Variants in EPS8 observed in about 807,000 individuals in gnomAD.
EPS8 encodes the protein EGFR pathway substrate 8, signaling adaptor, also known as epidermal growth factor receptor kinase substrate 8.
EPS8 carries 42 observed loss-of-function variants against 103.8 expected under a neutral mutation model. The ratio of observed to expected loss-of-function variants is 0.40; its 90% CI spans 0.32 to 0.52. EPS8 has a LOEUF of 0.52. Ranked by LOEUF, EPS8 falls within the 20% of genes least tolerant of loss-of-function variation. The pLI is 0.40. For synonymous variants in EPS8, 344 were observed against 344.6 expected (o/e 1.00, Z 0.02); for missense variants, 969 against 1,005.1 (o/e 0.96, Z 0.49).
At chr12:15,753,828 C>CA (rs1173900801) in intron 1 of EPS8, among the ~76,000 whole-genome samples, 1 of 152,152 alleles carries the variant, frequency 6.6e-6, no homozygotes, top group Admixed American at 6.5e-5. Context: ...TACTTTCATA[C>CA]TACCAATAAA....
rs963151499 is a variant in EPS8 at position 15,749,365 on chromosome 12, A to G, written c.-22+39796T>C. Among the ~76,000 whole-genome samples the G allele has an allele frequency of 1.3e-5, 2 of 152,194 alleles. No homozygotes were observed. Among genetic ancestry groups the G allele is most frequent in the Non-Finnish European group, 2.9e-5 (2 of 68,030 alleles). ...TGCTTGTCTATCACTTACCCTGCAC[A>G]GTATACTCAAGAGCAGGAATGTCTT... On this transcript the variant is annotated intron_variant, in intron 1 of 20. Transcript: ENST00000281172. This position sits in a 1 kb window ranked among gnomAD's most constrained non-coding sequence, Gnocchi z 4.0.
In EPS8 at chr12:15,761,902, G is replaced by T. The variant is rs1182393730; in HGVS notation, c.-22+27259C>A. On this transcript the variant is annotated intron_variant, in intron 1 of 20. Coordinates refer to ENST00000281172, the MANE Select transcript of EPS8 (RefSeq NM_004447.6). This position sits in a 1 kb window ranked among gnomAD's most constrained non-coding sequence, Gnocchi z 4.5. ...GAAAATTTCTTGAGTAATACCTCAC[G>T]AGAACAGGCAACCAAAACGAAAAGG... Among the ~76,000 whole-genome samples the T allele has an allele frequency of 6.6e-6, 1 of 151,988 alleles. No homozygotes were observed. The highest frequency in any genetic ancestry group is 1.5e-5 in the Non-Finnish European group (1 of 67,934).
chr12:15,742,203 A>G (rs993638151), intron 1 of EPS8, among the ~76,000 whole-genome samples: 7 of 152,192 alleles, frequency 4.6e-5, no homozygotes, highest in African/African-American at 1.7e-4. Flanking sequence ...TAGCAGCATG[A>G]TTTATAATCC....
At position 15,771,071 on chromosome 12, in the gene EPS8, G is replaced by A. The variant is rs1450204895; in HGVS notation, c.-22+18090C>T. 6.6e-6 allele frequency among the ~76,000 whole-genome samples: 1 copy of A among 152,018 alleles called. No individual in the cohort carries two copies. The highest frequency in any genetic ancestry group is 2.4e-5 in the African/African-American group (1 of 41,384). On this transcript the variant is annotated intron_variant, in intron 1 of 20. Coordinates refer to ENST00000281172, the MANE Select transcript of EPS8 (RefSeq NM_004447.6). This position sits in a 1 kb window ranked among gnomAD's most constrained non-coding sequence, Gnocchi z 4.6. ...CACGAAAGAAAATAAGTGCCTAGGC[G>A]ATCCTGAGAAAAAAAATATTAAGTG...
intron 3 of EPS8, among the ~76,000 whole-genome samples, chr12:15,673,968 A>G (rs1945859980): frequency 6.6e-6 from 1 of 152,200 alleles, no homozygotes; most frequent in African/African-American, 2.4e-5. Flanking sequence ...TACAACTCCA[A>G]ACAGACAGAA....
At chr12:15,692,556 A>T (rs1432274743) in intron 1 of EPS8, among the ~76,000 whole-genome samples, 1 of 152,024 alleles carries the variant, frequency 6.6e-6, no homozygotes, top group African/African-American at 2.4e-5. Flanking sequence ...TTGGAAACAC[A>T]ATAGGCCTTT....
intron 7 of EPS8, 94 bp downstream of exon 7, chr12:15,666,346 A>G (rs1945709562): frequency 4.5e-6 from 4 of 883,428 alleles, no homozygotes; most frequent in Non-Finnish European, 7.2e-6. Context: ...ATACAATAAT[A>G]TACTTCCATA....
rs117579628 is a variant in EPS8, at chr12:15,711,180, C to T, written c.-21-28208G>A. ...TCAGTCTCCCAAAGTGCTGGGATTA[C>T]AGGCATAAGTTACAGAACCTGGCCA... On this transcript the variant is annotated intron_variant, in intron 1 of 20. Coordinates refer to ENST00000281172, the MANE Select transcript of EPS8 (RefSeq NM_004447.6). Among the ~76,000 whole-genome samples the T allele has an allele frequency of 1.3e-3, 203 of 152,082 alleles. 4 individuals are homozygous for T. In the East Asian group the frequency reaches 0.037, roughly 28 times the overall value.
At chr12:15,689,681 C>T (rs1946145860) in intron 1 of EPS8, among the ~76,000 whole-genome samples, 1 of 152,156 alleles carries the variant, frequency 6.6e-6, no homozygotes, top group Non-Finnish European at 1.5e-5. Context: ...TTGAAATACG[C>T]AAAACATTAG....
chr12:15,631,509 G>T lies in EPS8; in HGVS notation c.1977C>A (p.Ser659Arg). The T allele has an allele frequency of 6.2e-7, 1 of 1,614,050 alleles. No homozygotes were observed. The change falls in exon 18 of 21, where the codon AGC (serine) becomes AGA (arginine). Residue 659 changes from serine to arginine, a missense_variant. Transcript: ENST00000281172. Reference sequence around the variant, plus strand: ...TACTGCCACCACTGTCACTGGAGCTGCTGTTTTGACGTGTTATATTTGCTG... The same window carrying T: ...TACTGCCACCACTGTCACTGGAGCTTCTGTTTTGACGTGTTATATTTGCTG... The part of the protein sequence containing the change: ...KVPANITRQN[S>R]SSSDSGGSIV...
chr12:15,720,292 C>A (rs1024585576), intron 1 of EPS8, among the ~76,000 whole-genome samples: 2 of 152,030 alleles, frequency 1.3e-5, no homozygotes, highest in African/African-American at 4.8e-5. Context: ...CTAGATAACA[C>A]TTGGGATCAG....
intron 15 of EPS8, among the ~76,000 whole-genome samples, chr12:15,645,982 A>G (rs1214170804): frequency 4.6e-5 from 7 of 152,224 alleles, no homozygotes; most frequent in Admixed American, 4.6e-4. Context: ...ATTGACATCT[A>G]AGACAGACAG....
chr12:15,662,712 C>G (rs957588285), intron 8 of EPS8: 2 of 852,716 alleles, frequency 2.3e-6, no homozygotes, highest in African/African-American at 2.0e-5. Flanking sequence ...CAGTTGGCTA[C>G]AGCATGATGT....
chr12:15,620,652 G>A lies in EPS8; in HGVS notation c.*665C>T, dbSNP rs1944848779. The A allele has an allele frequency of 6.6e-6, 1 of 152,554 alleles. No homozygotes were observed. Among genetic ancestry groups the A allele is most frequent in the Non-Finnish European group, 1.5e-5 (1 of 68,014 alleles). The allele number at this position is 152,554 out of a possible 1,614,324, so 9.5% of individuals were successfully genotyped here. ...AAGAACACAGTATACATAATAAGCA[G>A]AATATAAACTAAATCAAAATACAAG... On this transcript the variant is annotated 3_prime_UTR_variant, in exon 21 of 21. Coordinates refer to ENST00000281172, the MANE Select transcript of EPS8 (RefSeq NM_004447.6).
At chr12:15,670,959 C>A in intron 3 of EPS8, 36 bp from the exon 4 acceptor site, 1 of 1,498,624 alleles carries the variant, frequency 6.7e-7, no homozygotes. Flanking sequence ...GATTTGTCCC[C>A]TAATAGACTG....
At chr12:15,768,781 T>G (rs991512048) in intron 1 of EPS8, among the ~76,000 whole-genome samples, 16 of 152,160 alleles carry the variant, frequency 1.1e-4, no homozygotes, top group Non-Finnish European at 2.4e-4. Flanking sequence ...TGAAGTCATC[T>G]TAAGATTAAT....
intron 18 of EPS8, among the ~76,000 whole-genome samples, chr12:15,629,632 G>C (rs1945009188): frequency 6.6e-6 from 1 of 152,104 alleles, no homozygotes; most frequent in East Asian, 1.9e-4. Flanking sequence ...TGTTTTTGCT[G>C]TACAGAAAGA....
rs924161639 is a variant in EPS8, at chr12:15,690,221, C to G, written c.-21-7249G>C. Among the ~76,000 whole-genome samples, 1 of 152,142 alleles carries G rather than the reference C, an allele frequency of 6.6e-6. No homozygotes were observed. Among genetic ancestry groups the G allele is most frequent in the South Asian group, 2.1e-4 (1 of 4,826 alleles). Reference sequence around the variant, plus strand: ...AATATATCTTTATAAATGCTTACAACATACGAAGTGGAAAATGGTATCTTT... The same window carrying G: ...AATATATCTTTATAAATGCTTACAAGATACGAAGTGGAAAATGGTATCTTT... On this transcript the variant is annotated intron_variant, in intron 1 of 20. Transcript: ENST00000281172. The surrounding 1 kb of genome is among the most constrained non-coding windows in gnomAD (Gnocchi z 4.7).
At chr12:15,633,453 G>A (rs61908093) in intron 17 of EPS8, among the ~76,000 whole-genome samples, 7,645 of 152,190 alleles carry the variant, frequency 0.05, 293 homozygotes, top group Non-Finnish European at 0.068. Flanking sequence ...AAAATGCCAT[G>A]AGCCCTGCTT....
Sources: allele counts gnomAD v4.1 joint callset (sites outside exome capture counted in the v4.1 genomes callset), GRCh38; gene constraint gnomAD v4.1.1; non-coding constraint Gnocchi (gnomAD v3.1); transcripts MANE v1.5; gene names NCBI Gene and HGNC (gene_info 2026-07-23, HGNC 2026-07-21).